ADGRL3: variants seen among roughly 807,000 people sequenced by gnomAD.
ADGRL3 encodes the protein calcium-independent alpha-latrotoxin receptor 3.
Under a neutral mutation model 153.5 loss-of-function variants are expected in ADGRL3, and 62 were observed. The ratio of observed to expected loss-of-function variants is 0.40; its 90% CI spans 0.33 to 0.50. ADGRL3 has a LOEUF of 0.50. Ranked by LOEUF, ADGRL3 falls within the 20% of genes least tolerant of loss-of-function variation. The pLI is 0.47. For missense variants in ADGRL3, 1,641 were observed against 1,859.4 expected (o/e 0.88, Z 2.16); for synonymous variants, 710 against 672.5 (o/e 1.06, Z -0.86).
At chr4:61,811,532 G>A (rs115155752) in intron 8 of ADGRL3, among the ~76,000 whole-genome samples, 175 of 152,154 alleles carry the variant, frequency 1.2e-3, no homozygotes, top group African/African-American at 4.0e-3. Context: ...ATTTCTTTTG[G>A]TTTTGATGAA....
chr4:61,723,427 CCCCATACA>C (rs2096273699), intron 6 of ADGRL3, among the ~76,000 whole-genome samples: 1 of 152,038 alleles, frequency 6.6e-6, no homozygotes, highest in Admixed American at 6.6e-5. Flanking sequence ...AAAAAAGCTC[CCCCATACA>C]GAGGGAGTGG....
intron 24 of ADGRL3, among the ~76,000 whole-genome samples, chr4:62,042,695 C>T (rs1012455961): frequency 1.3e-5 from 2 of 151,974 alleles, no homozygotes; most frequent in African/African-American, 4.8e-5. Context: ...TTCTCAGACT[C>T]CCTAGACAAG....
chr4:61,963,001 T>A (rs1452842594), intron 17 of ADGRL3, among the ~76,000 whole-genome samples: 1 of 152,046 alleles, frequency 6.6e-6, no homozygotes, highest in Non-Finnish European at 1.5e-5. Flanking sequence ...TGGAAACACA[T>A]GGGAAAGAGC....
At chr4:61,876,041 A>G (rs1359639622) in intron 9 of ADGRL3, among the ~76,000 whole-genome samples, 1 of 152,002 alleles carries the variant, frequency 6.6e-6, no homozygotes, top group African/African-American at 2.4e-5. Context: ...AATAGAAAAG[A>G]AAAAAAGAGC....
intron 1 of ADGRL3, among the ~76,000 whole-genome samples, chr4:61,208,661 A>G (rs1053285473): frequency 1.3e-5 from 2 of 152,190 alleles, no homozygotes; most frequent in African/African-American, 4.8e-5. Context: ...TAGAGGAAGA[A>G]TTAATAAAAC....
chr4:61,524,305 C>T lies in ADGRL3; in HGVS notation c.259+6787C>T, dbSNP rs567710732. On this transcript the variant is annotated intron_variant, in intron 4 of 26. Transcript: ENST00000683033. ...AAACTTTCGTAGACTGCCTTATGCT[C>T]CTGTTTTTAGAATCTGCATTTCCCA... is the stretch of plus-strand genomic sequence containing the variant. 1.1e-4 allele frequency among the ~76,000 whole-genome samples: 17 copies of T among 152,120 alleles called. No homozygotes were observed. In the South Asian group the frequency reaches 1.2e-3, roughly 11 times the overall value.
chr4:61,245,417 G>A (rs552179401), intron 1 of ADGRL3, among the ~76,000 whole-genome samples: 7 of 152,118 alleles, frequency 4.6e-5, no homozygotes, highest in Middle Eastern at 3.4e-3. Context: ...GGAATGCTAC[G>A]TCAATTTATG....
At chr4:61,494,757 C>T (rs900187383) in intron 2 of ADGRL3, among the ~76,000 whole-genome samples, 3 of 151,644 alleles carry the variant, frequency 2.0e-5, no homozygotes, top group Non-Finnish European at 4.4e-5. Context: ...GCTTTGTTTC[C>T]CATAATATCA....
At chr4:61,940,028 C>G (rs1296156481) in intron 15 of ADGRL3, among the ~76,000 whole-genome samples, 2 of 141,684 alleles carry the variant, frequency 1.4e-5, no homozygotes, top group South Asian at 2.4e-4. Context: ...GCGCTGCACC[C>G]ACTAATGTGT....
chr4:61,384,116 TAA>T (rs1372701249), intron 2 of ADGRL3, among the ~76,000 whole-genome samples: 1 of 151,950 alleles, frequency 6.6e-6, no homozygotes, highest in Non-Finnish European at 1.5e-5. Flanking sequence ...GCTTTAGGAG[TAA>T]AGAGTGACTT....
intron 2 of ADGRL3, among the ~76,000 whole-genome samples, chr4:61,448,883 G>C (rs545367888): frequency 9.7e-6 from 1 of 102,996 alleles, no homozygotes; most frequent in Non-Finnish European, 1.9e-5. Flanking sequence ...GGAAAGGAAG[G>C]AAGGAAGAAG....
chr4:61,862,280 G>A (rs979245946), intron 9 of ADGRL3, among the ~76,000 whole-genome samples: 3 of 152,086 alleles, frequency 2.0e-5, no homozygotes, highest in Non-Finnish European at 4.4e-5. Flanking sequence ...AAAGAACATT[G>A]GGAAGAAGAG....
intron 4 of ADGRL3, among the ~76,000 whole-genome samples, chr4:61,529,689 A>C (rs191619307): frequency 7.9e-5 from 12 of 152,186 alleles, no homozygotes; most frequent in Non-Finnish European, 1.8e-4. Context: ...AAGTCTATTC[A>C]TAAGACTTCT....
intron 8 of ADGRL3, among the ~76,000 whole-genome samples, chr4:61,808,176 C>A (rs746444850): frequency 2.0e-4 from 30 of 152,180 alleles, no homozygotes; most frequent in Non-Finnish European, 1.9e-4. Context: ...ACATATCAGA[C>A]TTTCCTGTAA....
At chr4:62,015,120 T>C (rs2099205580) in intron 21 of ADGRL3, among the ~76,000 whole-genome samples, 2 of 152,204 alleles carry the variant, frequency 1.3e-5, no homozygotes, top group Admixed American at 6.5e-5. Context: ...GTTAAGCATC[T>C]TGAGCCGCTC....
At chr4:61,592,016 G>T (rs1390720097) in intron 5 of ADGRL3, among the ~76,000 whole-genome samples, 2 of 148,088 alleles carry the variant, frequency 1.4e-5, no homozygotes, top group Non-Finnish European at 3.0e-5. Flanking sequence ...GGTTAAGGCT[G>T]CAGTGAGCTG....
chr4:61,709,631 T>A (rs535895444), intron 6 of ADGRL3, among the ~76,000 whole-genome samples: 1 of 152,164 alleles, frequency 6.6e-6, no homozygotes. Flanking sequence ...CTGGCTGGGA[T>A]TGAATTTGTG....
chr4:62,062,785 T>C (rs1740895720), intron 25 of ADGRL3, among the ~76,000 whole-genome samples: 1 of 152,140 alleles, frequency 6.6e-6, no homozygotes, highest in Non-Finnish European at 1.5e-5. Flanking sequence ...AAAATGGAAT[T>C]ATATATGTGT....
intron 1 of ADGRL3, among the ~76,000 whole-genome samples, chr4:61,276,992 C>T (rs2093492547): frequency 6.6e-6 from 1 of 151,982 alleles, no homozygotes; most frequent in Admixed American, 6.6e-5. Flanking sequence ...TTATTTTCTA[C>T]TGTAACTATT....
Sources: gnomAD v4.1 joint callset for allele counts (sites outside exome capture counted in the v4.1 genomes callset) on GRCh38, gnomAD v4.1.1 for gene constraint, MANE v1.5 for transcripts, NCBI Gene and HGNC (gene_info 2026-07-23, HGNC 2026-07-21) for gene names.